Variants in PKP4 observed in about 807,000 individuals in gnomAD.
PKP4 encodes plakophilin 4.
PKP4 carries 90 observed loss-of-function variants against 145.1 expected under a neutral mutation model. That is an observed-to-expected ratio of 0.62 (90% CI 0.52 to 0.74). The LOEUF (loss-of-function observed/expected upper bound fraction) is 0.74, where lower values mean the gene tolerates loss of function less well. Among genes scored for constraint, PKP4 ranks in the 30% least tolerant of loss-of-function variants. The pLI is 0.00. For synonymous variants in PKP4, 563 were observed against 577.2 expected, an observed-to-expected ratio of 0.98 and a Z score of 0.35; for missense variants, 1,340 against 1,482.7, an observed-to-expected ratio of 0.90 and a Z score of 1.58.
At chr2:158,578,497 ATAAT>A (rs1249437213) in intron 3 of PKP4, among the ~76,000 whole-genome samples, 2 of 71,700 alleles carry the variant, frequency 2.8e-5, no homozygotes, top group Admixed American at 3.6e-4. Context: ...ACCCAATGAA[ATAAT>A]TCGTTAAGTT....
chr2:158,675,620 C>T (rs1362964539), intron 19 of PKP4, among the ~76,000 whole-genome samples: 1 of 152,228 alleles, frequency 6.6e-6, no homozygotes, highest in African/African-American at 2.4e-5. Flanking sequence ...TCCCTTCACA[C>T]TAGTGTGGGA....
intron 2 of PKP4, among the ~76,000 whole-genome samples, chr2:158,574,783 G>A (rs1372830038): frequency 6.6e-6 from 1 of 152,192 alleles, no homozygotes; most frequent in African/African-American, 2.4e-5. Context: ...TTTGATAAAA[G>A]TAGCCAGTGA....
At position 158,678,608 on chromosome 2, in the gene PKP4, T is replaced by C; in HGVS notation, c.3284T>C (p.Ile1095Thr). The change falls in exon 21 of 22, where the codon ATC (isoleucine) becomes ACC (threonine). Residue 1095 changes from isoleucine to threonine, a missense_variant. Transcript: ENST00000389759. ...TCCAGCAAACCTTCACCAATTTACA[T>C]CAGTTCCTATTCCTCACCAGCAAGA... ...PGSSKPSPIY[I>T]SSYSSPAREQ... 3.1e-6 allele frequency: 5 copies of C among 1,611,012 alleles called. No individual in the cohort carries two copies. In the South Asian group the frequency reaches 3.3e-5, roughly 11 times the overall value.
intron 1 of PKP4, among the ~76,000 whole-genome samples, chr2:158,462,759 G>T (rs534419957): frequency 1.3e-5 from 2 of 152,188 alleles, no homozygotes; most frequent in South Asian, 4.2e-4. Context: ...CAACTTGCTG[G>T]CTGTGTAACC....
intron 4 of PKP4, among the ~76,000 whole-genome samples, chr2:158,615,620 T>C (rs907974573): frequency 6.6e-6 from 1 of 152,224 alleles, no homozygotes; most frequent in Non-Finnish European, 1.5e-5. Flanking sequence ...GGTTTTATAT[T>C]CTTGGACAGA....
chr2:158,629,714 A>T (rs2053164490), intron 7 of PKP4, among the ~76,000 whole-genome samples: 1 of 50,064 alleles, frequency 2.0e-5, no homozygotes, highest in African/African-American at 3.7e-5. Flanking sequence ...GGATGGGAGC[A>T]ATCTTTTTTT....
rs181248503 is a variant in PKP4, at chr2:158,499,476, A to T, written c.-5-33704A>T. On this transcript the variant is annotated intron_variant, in intron 1 of 21. Transcript: ENST00000389759. ...TGTTTCCAGCTATAGAGAAACTGTAACACCACTGGGTTTTAGCTGGATAAC... is the reference window on the plus strand; with the variant it reads ...TGTTTCCAGCTATAGAGAAACTGTATCACCACTGGGTTTTAGCTGGATAAC... Among the ~76,000 whole-genome samples, 3 of 152,322 alleles carry T rather than the reference A, an allele frequency of 2.0e-5. No individual in the cohort carries two copies. The East Asian group carries it at 5.8e-4, about 29-fold the overall frequency.
intron 2 of PKP4, among the ~76,000 whole-genome samples, chr2:158,555,830 T>G (rs1005151869): frequency 2.0e-5 from 3 of 152,206 alleles, no homozygotes; most frequent in Admixed American, 1.3e-4. Flanking sequence ...TGGCCTATTT[T>G]TTTGTTTGTT....
rs2105918603 is a variant in PKP4, at chr2:158,634,264, A to G, written c.1537A>G (p.Ile513Val). Residue 513 changes from isoleucine to valine, a missense_variant, in exon 9 of 22, where the codon ATA becomes GTA. Coordinates refer to ENST00000389759, the MANE Select transcript of PKP4 (RefSeq NM_003628.6). ...TGATGGCACCACAAGATCCCCATCA[A>G]TAGACAGCATTCAGAAGGACCCCAG... ...ADDGTTRSPS[I>V]DSIQKDPREF... 1.2e-6 allele frequency: 2 copies of G among 1,614,096 alleles called. No individual in the cohort carries two copies. Among genetic ancestry groups the G allele is most frequent in the Non-Finnish European group, 1.7e-6 (2 of 1,179,984 alleles).
chr2:158,652,628 T>G (rs956961827), intron 11 of PKP4, among the ~76,000 whole-genome samples: 1 of 152,144 alleles, frequency 6.6e-6, no homozygotes, highest in African/African-American at 2.4e-5. Flanking sequence ...GCCCTGATAT[T>G]ATTATGTTTG....
chr2:158,623,952 A>G (rs1425758733), intron 6 of PKP4, among the ~76,000 whole-genome samples: 2 of 152,154 alleles, frequency 1.3e-5, no homozygotes, highest in African/African-American at 4.8e-5. Flanking sequence ...ACAGCATGAA[A>G]AACAGTGTCC....
intron 1 of PKP4, among the ~76,000 whole-genome samples, chr2:158,499,315 C>A (rs1212261619): frequency 6.6e-6 from 1 of 152,040 alleles, no homozygotes; most frequent in African/African-American, 2.4e-5. Flanking sequence ...GGTTCAGCAT[C>A]CCCCCAACCC....
chr2:158,666,114 A>G, intron 15 of PKP4: 1 of 191,836 alleles, frequency 5.2e-6, no homozygotes, highest in Non-Finnish European at 1.1e-5. Flanking sequence ...TTCCTTAATC[A>G]TGTTTATGTA....
chr2:158,489,596 G>C (rs1174664731), intron 1 of PKP4, among the ~76,000 whole-genome samples: 1 of 152,152 alleles, frequency 6.6e-6, no homozygotes, highest in East Asian at 1.9e-4. Context: ...GCTGGATGCA[G>C]GGTTTTTGCT....
chr2:158,557,249 G>T (rs1263918036), intron 2 of PKP4, among the ~76,000 whole-genome samples: 1 of 152,064 alleles, frequency 6.6e-6, no homozygotes, highest in Admixed American at 6.6e-5. Context: ...TGCACTTAAT[G>T]AATAATAGCC....
At chr2:158,598,567 A>G (rs2105839136) in intron 3 of PKP4, among the ~76,000 whole-genome samples, 1 of 152,256 alleles carries the variant, frequency 6.6e-6, no homozygotes, top group East Asian at 1.9e-4. Flanking sequence ...CGAGATCGAG[A>G]CCATCCTGGC....
chr2:158,605,243 T>C (rs1196582229), intron 4 of PKP4, among the ~76,000 whole-genome samples: 1 of 152,184 alleles, frequency 6.6e-6, no homozygotes, highest in African/African-American at 2.4e-5. Context: ...ATATATTAGC[T>C]TCACAGCCAA....
chr2:158,495,197 G>T (rs1695505483), intron 1 of PKP4, among the ~76,000 whole-genome samples: 1 of 151,914 alleles, frequency 6.6e-6, no homozygotes, highest in South Asian at 2.1e-4. Flanking sequence ...CAGCCCAGGT[G>T]ACAGTGCAAG....
At chr2:158,550,234 A>G (rs923921983) in intron 2 of PKP4, among the ~76,000 whole-genome samples, 1 of 133,548 alleles carries the variant, frequency 7.5e-6, no homozygotes, top group East Asian at 2.0e-4. Context: ...GAATGAATCT[A>G]TAGCAGTATT....
Sources: gnomAD v4.1 joint callset for allele counts (sites outside exome capture counted in the v4.1 genomes callset) on GRCh38, gnomAD v4.1.1 for gene constraint, MANE v1.5 for transcripts, NCBI Gene and HGNC (gene_info 2026-07-23, HGNC 2026-07-21) for gene names.